LINS1: variants seen among roughly 807,000 people sequenced by gnomAD.
LINS1 encodes the protein protein Lines homolog 1.
A neutral mutation model predicts 41.6 loss-of-function variants in LINS1; 27 were observed. The observed-to-expected ratio is 0.65, with a 90% CI of 0.48 to 0.89. The LOEUF (loss-of-function observed/expected upper bound fraction) is 0.89. Ranked by LOEUF, LINS1 falls within the 40% of genes least tolerant of loss-of-function variation. The pLI is 0.00. For synonymous variants in LINS1, 336 were observed against 312.9 expected, an observed-to-expected ratio of 1.07 and a Z score of -0.78; for missense variants, 955 against 884.1, an observed-to-expected ratio of 1.08 and a Z score of -1.02.
chr15:100,591,283 C>A (rs2039026541), intron 1 of LINS1, among the ~76,000 whole-genome samples: 1 of 152,220 alleles, frequency 6.6e-6, no homozygotes, highest in South Asian at 2.1e-4. Context: ...GTCAAATGGT[C>A]TCTCTTCAAC....
In LINS1 at chr15:100,569,338, C is replaced by G; in HGVS notation, c.2174G>C (p.Arg725Pro). ...TGGGAAAAGATTTTTCTTTTGCAAACGGCAGATGGCATCTTGTAGTTCCTG... is the reference window on the plus strand; with the variant it reads ...TGGGAAAAGATTTTTCTTTTGCAAAGGGCAGATGGCATCTTGTAGTTCCTG... ...CFQELQDAICRLQKKNLFPYN... is the reference protein window; with the variant it reads ...CFQELQDAICPLQKKNLFPYN... Residue 725 changes from arginine (R) to proline (P), a missense_variant, in exon 7 of 7, where the codon CGT becomes CCT. Arg to Pro is a moderately radical substitution (Grantham distance 103, BLOSUM62 -2). Coordinates refer to ENST00000314742, the MANE Select transcript of LINS1 (RefSeq NM_001040616.3). 1.2e-6 allele frequency: 2 copies of G among 1,613,970 alleles called. No individual in the cohort carries two copies. Among genetic ancestry groups the G allele is most frequent in the Non-Finnish European group, 1.7e-6 (2 of 1,179,956 alleles).
At chr15:100,586,432 G>C (rs1049690252) in intron 1 of LINS1, 8 of 152,086 alleles carry the variant, frequency 5.3e-5, no homozygotes, top group African/African-American at 1.9e-4. Flanking sequence ...TTAATATCTG[G>C]GTCATTTCCA....
Position 100,569,641 on chromosome 15 carries a change from T to G in LINS1, c.1871A>C (p.Gln624Pro). The change falls in exon 7 of 7, where the codon CAA becomes CCA. Residue 624 changes from glutamine (Q) to proline (P), a missense_variant. Gln to Pro is a moderately conservative substitution (Grantham distance 76). Coordinates refer to ENST00000314742, the MANE Select transcript of LINS1 (RefSeq NM_001040616.3). ...AGAGCTGTCGTAATCTACCAGACTT[T>G]GAGAGGCCCGGGGGGAAGACAGACT... ...ASSLSSPRASQSLVDYDSSDD... is the reference protein window; with the variant it reads ...ASSLSSPRASPSLVDYDSSDD... 1.2e-6 allele frequency: 2 copies of G among 1,613,058 alleles called. No individual in the cohort carries two copies. The highest frequency in any genetic ancestry group is 1.7e-6 in the Non-Finnish European group (2 of 1,179,220).
intron 6 of LINS1, 93 bp from the exon 7 acceptor site, chr15:100,570,210 T>C (rs1326080136): frequency 9.6e-7 from 1 of 1,037,626 alleles, no homozygotes; most frequent in East Asian, 2.4e-5. Context: ...AATTAACCTA[T>C]TAGATTACTT....
At chr15:100,594,307 T>C (rs1028543808) in intron 1 of LINS1, among the ~76,000 whole-genome samples, 3 of 152,220 alleles carry the variant, frequency 2.0e-5, no homozygotes, top group Non-Finnish European at 2.9e-5. Context: ...GGGCCGACTA[T>C]AGTTCCATTT....
At chr15:100,574,676 C>G (rs1394899804) in intron 4 of LINS1, among the ~76,000 whole-genome samples, 1 of 152,168 alleles carries the variant, frequency 6.6e-6, no homozygotes, top group East Asian at 1.9e-4. Flanking sequence ...CCATTGCACT[C>G]CAGCCTGGGC....
rs2038459746 is a variant in LINS1 at position 100,580,319 on chromosome 15, A to G, written c.433T>C (p.Ser145Pro). The stretch of plus-strand genomic sequence containing the variant: ...GCAAGGCACTGTGCAGCCATGTGAG[A>G]TAACAATTTATCTGAATTTTGGAAC... ...CMFQNSDKLL[S>P]HMAAQCLALL... Residue 145 changes from serine to proline, a missense_variant, in exon 3 of 7, where the codon TCT becomes CCT. By Grantham distance (74) the Ser-to-Pro change is moderately conservative. Coordinates refer to ENST00000314742, the MANE Select transcript of LINS1 (RefSeq NM_001040616.3). 6.2e-7 allele frequency: 1 copy of G among 1,613,182 alleles called. No homozygotes were observed. Among genetic ancestry groups the G allele is most frequent in the Non-Finnish European group, 8.5e-7 (1 of 1,179,358 alleles).
At chr15:100,595,162 T>C (rs2039192191) in intron 1 of LINS1, among the ~76,000 whole-genome samples, 1 of 152,074 alleles carries the variant, frequency 6.6e-6, no homozygotes, top group Non-Finnish European at 1.5e-5. Flanking sequence ...GACTTGACCA[T>C]AAAAGCATGA....
chr15:100,569,550 C>T lies in LINS1; in HGVS notation c.1962G>A (p.Gln654=), dbSNP rs2037689944. 1 of 1,614,164 alleles carries T rather than the reference C, an allele frequency of 6.2e-7. No homozygotes were observed. Among genetic ancestry groups the T allele is most frequent in the Non-Finnish European group, 8.5e-7 (1 of 1,180,018 alleles). ...LANSKQTSLH[Q]QATKEIQDAA... ...CATCCTGAATCTCCTTAGTTGCTTG[C>T]TGGTGTAAAGATGTCTGTTTACTGT... The change falls in exon 7 of 7, where the codon CAG becomes CAA. Residue 654 remains glutamine, a synonymous_variant. Transcript: ENST00000314742.
intron 6 of LINS1, chr15:100,570,753 T>C (rs2037779995): frequency 6.6e-6 from 1 of 152,218 alleles, no homozygotes; most frequent in Non-Finnish European, 1.5e-5. Context: ...CTTGACCCTT[T>C]AGAATTCCCA....
At position 100,584,571 on chromosome 15, in the gene LINS1, G is replaced by GA. The variant is rs66866479; in HGVS notation, c.-103-3627dup. 4.3e-3 allele frequency among the ~76,000 whole-genome samples: 634 copies of GA among 146,550 alleles called. 19 individuals are homozygous for GA. In the East Asian group the frequency reaches 0.074, roughly 17 times the overall value. ...TCAAAATCAGCCTTTAGAGACAGAG[G>GA]AAAAAAAAAAAGTATTGGGGTTATG... On this transcript the variant is annotated intron_variant, in intron 1 of 6. Coordinates refer to ENST00000314742, the MANE Select transcript of LINS1 (RefSeq NM_001040616.3).
intron 1 of LINS1, among the ~76,000 whole-genome samples, chr15:100,601,111 C>T (rs2039471793): frequency 6.6e-6 from 1 of 152,182 alleles, no homozygotes; most frequent in Non-Finnish European, 1.5e-5. Context: ...AAATTCTCTC[C>T]CTAGATCTTG....
At chr15:100,585,973 C>G (rs747691413) in intron 1 of LINS1, among the ~76,000 whole-genome samples, 7 of 152,176 alleles carry the variant, frequency 4.6e-5, no homozygotes, top group Non-Finnish European at 8.8e-5. Flanking sequence ...CCAGCCAAAA[C>G]AAAATGATCT....
chr15:100,585,410 G>A (rs1048822333), intron 1 of LINS1, among the ~76,000 whole-genome samples: 3 of 152,204 alleles, frequency 2.0e-5, no homozygotes, highest in African/African-American at 7.2e-5. Flanking sequence ...ATGCATCCAG[G>A]CTTTTGTGCT....
intron 3 of LINS1, among the ~76,000 whole-genome samples, chr15:100,577,811 C>G (rs553252442): frequency 1.8e-3 from 278 of 152,188 alleles, no homozygotes; most frequent in African/African-American, 6.2e-3. Context: ...ACATGGTACT[C>G]GTACCAAAAC....
chr15:100,575,150 A>C (rs2038088149), intron 3 of LINS1, 22 bp from the exon 4 acceptor site: 2 of 1,599,088 alleles, frequency 1.3e-6, no homozygotes, highest in African/African-American at 1.3e-5. Flanking sequence ...AAAATAAAGC[A>C]AGCAGTTAAA....
chr15:100,581,518 T>G (rs1440478702), intron 1 of LINS1, among the ~76,000 whole-genome samples: 1 of 152,232 alleles, frequency 6.6e-6, no homozygotes, highest in Non-Finnish European at 1.5e-5. Context: ...CAAACTAGAT[T>G]ATGGCTATTG....
At chr15:100,598,549 G>A (rs1291229361) in intron 1 of LINS1, among the ~76,000 whole-genome samples, 1 of 152,178 alleles carries the variant, frequency 6.6e-6, no homozygotes, top group East Asian at 1.9e-4. Flanking sequence ...TCTTAAAATG[G>A]CTGTGGTAGA....
Position 100,569,589 on chromosome 15 carries a change from C to G in LINS1, c.1923G>C (p.Glu641Asp), listed in dbSNP as rs12157. ...SSDDSDVEST[E>D]QCLANSKQTS... ...TCTGTTTACTGTTAGCTAAACACTG[C>G]TCTGTGGATTCCACGTCAGAATCGT... is the stretch of plus-strand genomic sequence containing the variant. Residue 641 changes from glutamate (E) to aspartate (D), a missense_variant, in exon 7 of 7, where the codon GAG (glutamate) becomes GAC (aspartate). Physicochemically the swap from Glu to Asp is conservative, Grantham distance 45 (BLOSUM62 2). Coordinates refer to ENST00000314742, the MANE Select transcript of LINS1 (RefSeq NM_001040616.3). 0.44 allele frequency: 706,662 copies of G among 1,613,002 alleles called. 159,968 individuals carry two copies. The highest frequency in any genetic ancestry group is 0.47 in the Non-Finnish European group (560,028 of 1,179,190).
Sources: allele counts gnomAD v4.1 joint callset (sites outside exome capture counted in the v4.1 genomes callset), GRCh38; gene constraint gnomAD v4.1.1; transcripts MANE v1.5; gene names NCBI Gene and HGNC (gene_info 2026-07-23, HGNC 2026-07-21).